Variants in MCTP2 observed in about 807,000 individuals in gnomAD.
MCTP2 encodes the protein multiple C2 and transmembrane domain-containing protein 2.
Under a neutral mutation model 111.6 loss-of-function variants are expected in MCTP2, and 132 were observed. That is an observed-to-expected ratio of 1.18 (90% confidence interval 1.03 to 1.37). The LOEUF (loss-of-function observed/expected upper bound fraction) is 1.37, where lower values mean the gene tolerates loss of function less well. MCTP2 is among the 40% of genes most tolerant of loss of function. The pLI is 0.00. For synonymous variants in MCTP2, 395 were observed against 387.7 expected, an observed-to-expected ratio of 1.02 and a Z score of -0.22; for missense variants, 1,183 against 1,067.9, an observed-to-expected ratio of 1.11 and a Z score of -1.50.
intron 17 of MCTP2, among the ~76,000 whole-genome samples, chr15:94,421,500 C>A (rs1316980134): frequency 2.0e-5 from 3 of 152,170 alleles, no homozygotes; most frequent in Admixed American, 6.5e-5. Context: ...AGGGAGGGCT[C>A]TTTTTCCATC....
chr15:94,239,281 A>G (rs2070773552), intron 1 of MCTP2, among the ~76,000 whole-genome samples: 1 of 152,244 alleles, frequency 6.6e-6, no homozygotes, highest in African/African-American at 2.4e-5. Context: ...AGATATGCTT[A>G]GCTTCTTCGG....
At chr15:94,270,888 T>G (rs2073872288) in intron 1 of MCTP2, among the ~76,000 whole-genome samples, 1 of 152,206 alleles carries the variant, frequency 6.6e-6, no homozygotes, top group Admixed American at 6.5e-5. Context: ...AAGTAGTACA[T>G]AACTTTCATG....
intron 17 of MCTP2, among the ~76,000 whole-genome samples, chr15:94,437,127 T>A (rs2083518122): frequency 9.0e-6 from 1 of 110,522 alleles, no homozygotes; most frequent in Non-Finnish European, 1.8e-5. Flanking sequence ...ATCCAAAAAG[T>A]ATTTCAAAAA....
rs180671810 is a variant in MCTP2 at position 94,472,123 on chromosome 15, A to G, written c.2470+1681A>G. On this transcript the variant is annotated intron_variant, in intron 21 of 22. Transcript: ENST00000357742. ...CTGGGTGCAGTGGCTCACGCCTGTA[A>G]TCCCAGCACTTTGGGAGGCCGAGGC... is the stretch of plus-strand genomic sequence containing the variant. Among the ~76,000 whole-genome samples, 5 of 152,336 alleles carry G rather than the reference A, an allele frequency of 3.3e-5. No individual in the cohort carries two copies. The East Asian group carries it at 9.7e-4, about 29-fold the overall frequency.
rs1352161889 is a variant in MCTP2, at chr15:94,470,371, C to T, written c.2399C>T (p.Ala800Val). Residue 800 changes from alanine (A) to valine (V), a missense_variant, in exon 21 of 23, where the codon GCC (alanine) becomes GTC (valine). Coordinates refer to ENST00000357742, the MANE Select transcript of MCTP2 (RefSeq NM_001385001.1). Reference sequence around the variant, plus strand: ...ACGGTCCCCTTCCTTTCATCTCTGGCCTGTTTGATTCTGGCAGCAGCCACC... The same window carrying T: ...ACGGTCCCCTTCCTTTCATCTCTGGTCTGTTTGATTCTGGCAGCAGCCACC... ...NWTVPFLSSL[A>V]CLILAAATII... 1.2e-6 allele frequency: 2 copies of T among 1,613,726 alleles called. No individual in the cohort carries two copies. The highest frequency in any genetic ancestry group is 2.2e-5 in the East Asian group (1 of 44,882).
chr15:94,283,208 G>A (rs542341013), intron 1 of MCTP2, among the ~76,000 whole-genome samples: 1 of 152,168 alleles, frequency 6.6e-6, no homozygotes, highest in East Asian at 1.9e-4. Context: ...GCTGTAAGTT[G>A]TGTGGCCAGG....
At chr15:94,316,372 G>A (rs937574767) in intron 4 of MCTP2, among the ~76,000 whole-genome samples, 1 of 152,194 alleles carries the variant, frequency 6.6e-6, no homozygotes, top group African/African-American at 2.4e-5. Context: ...TCTGTGCACA[G>A]ATAAGGCTAA....
At chr15:94,332,987 A>T (rs1194888645) in intron 4 of MCTP2, among the ~76,000 whole-genome samples, 1 of 152,240 alleles carries the variant, frequency 6.6e-6, no homozygotes, top group East Asian at 1.9e-4. Flanking sequence ...CTGTAATCCC[A>T]GCACTTTGGG....
In MCTP2 at chr15:94,339,285, TA is replaced by T; in HGVS notation, c.638-2del. The T allele has an allele frequency of 6.3e-7, 1 of 1,578,712 alleles. No individual in the cohort carries two copies. Among genetic ancestry groups the T allele is most frequent in the Non-Finnish European group, 8.6e-7 (1 of 1,167,190 alleles). On this transcript the variant is annotated splice_region_variant and splice_polypyrimidine_tract_variant and intron_variant, in intron 4 of 22. Transcript: ENST00000357742. ...ATTCTGTCTTGTTTTCTTTTCCTTT[TA>T]AAGGCACAAGTGATCCTTATGTGAA... is the stretch of plus-strand genomic sequence containing the variant.
At chr15:94,359,159 A>G (rs1295879228) in intron 10 of MCTP2, among the ~76,000 whole-genome samples, 5 of 152,210 alleles carry the variant, frequency 3.3e-5, no homozygotes, top group African/African-American at 4.8e-5. Flanking sequence ...AGTGAAAAAT[A>G]CAATGAAATG....
intron 2 of MCTP2, among the ~76,000 whole-genome samples, chr15:94,303,794 C>T (rs899251727): frequency 6.6e-6 from 1 of 152,150 alleles, no homozygotes; most frequent in African/African-American, 2.4e-5. Flanking sequence ...TAGTGGAAAC[C>T]TTCCTTCTCT....
chr15:94,315,774 G>A, intron 4 of MCTP2, 137 bp downstream of exon 4: 1 of 629,372 alleles, frequency 1.6e-6, no homozygotes, highest in Non-Finnish European at 2.9e-6. Flanking sequence ...GTCTCTCCAG[G>A]TATAAGACAT....
At chr15:94,380,881 C>A (rs977776991) in intron 12 of MCTP2, among the ~76,000 whole-genome samples, 1 of 152,186 alleles carries the variant, frequency 6.6e-6, no homozygotes, top group Admixed American at 6.5e-5. Context: ...AAGTGAACCC[C>A]CCCCTTACTT....
intron 20 of MCTP2, among the ~76,000 whole-genome samples, chr15:94,468,581 G>GACAT (rs2073619537): frequency 6.6e-6 from 1 of 151,990 alleles, no homozygotes; most frequent in African/African-American, 2.4e-5. Context: ...AATTGAAAAA[G>GACAT]ACATATATAT....
intron 1 of MCTP2, among the ~76,000 whole-genome samples, chr15:94,284,348 C>T (rs536140601): frequency 5.9e-5 from 9 of 152,306 alleles, no homozygotes; most frequent in Admixed American, 2.6e-4. Flanking sequence ...GAGAAACTGA[C>T]GTGTACATCA....
chr15:94,236,973 G>A (rs796757154), intron 1 of MCTP2, among the ~76,000 whole-genome samples: 8 of 152,100 alleles, frequency 5.3e-5, no homozygotes, highest in African/African-American at 1.9e-4. Flanking sequence ...GGAGGTGCTG[G>A]GCCTGTGGAT....
intron 4 of MCTP2, among the ~76,000 whole-genome samples, chr15:94,331,418 T>C (rs1010355586): frequency 1.7e-4 from 26 of 150,614 alleles, no homozygotes; most frequent in Admixed American, 1.7e-3. Context: ...GGGGAAGAGG[T>C]TGGGGAGGGA....
intron 1 of MCTP2, among the ~76,000 whole-genome samples, chr15:94,270,633 TC>T (rs1417225356): frequency 6.6e-6 from 1 of 152,010 alleles, no homozygotes; most frequent in Admixed American, 6.6e-5. Context: ...CTACCCCCTA[TC>T]CCCCTCTCCT....
rs201562880 is a variant in MCTP2, at chr15:94,458,121, C to T, written c.2251-16C>T. On this transcript the variant is annotated splice_polypyrimidine_tract_variant and intron_variant, in intron 19 of 22. Coordinates refer to ENST00000357742, the MANE Select transcript of MCTP2 (RefSeq NM_001385001.1). ...AATGAAGTAACTGAGTTAAATCTTG[C>T]TTTTATGTTTTCTAGGAATCTGAGA... is the stretch of plus-strand genomic sequence containing the variant. The T allele has an allele frequency of 2.7e-5, 39 of 1,459,830 alleles. No homozygotes were observed. Among genetic ancestry groups the T allele is most frequent in the Middle Eastern group, 1.7e-4 (1 of 5,736 alleles). 90.4% of individuals were successfully genotyped at this position (1,459,830 alleles called of 1,614,324 possible). A position where few individuals can be genotyped will look rare whatever the true frequency, so the allele number is the denominator to read the frequency against.
Sources: gnomAD v4.1 joint callset for allele counts (sites outside exome capture counted in the v4.1 genomes callset) on GRCh38, gnomAD v4.1.1 for gene constraint, MANE v1.5 for transcripts, NCBI Gene and HGNC (gene_info 2026-07-23, HGNC 2026-07-21) for gene names.